MCF2L: variants seen among roughly 807,000 people sequenced by gnomAD.
The protein encoded by MCF2L is MCF.2 cell line derived transforming sequence like.
MCF2L carries 97 observed loss-of-function variants against 153.4 expected under a neutral mutation model. The ratio of observed to expected loss-of-function variants is 0.63; its 90% CI spans 0.54 to 0.75. The LOEUF (loss-of-function observed/expected upper bound fraction) is 0.75, where lower values mean the gene tolerates loss of function less well. Ranked by LOEUF, MCF2L falls within the 30% of genes least tolerant of loss-of-function variation. The pLI is 0.00. For synonymous variants in MCF2L, 659 were observed against 632.2 expected (o/e 1.04, Z -0.64); for missense variants, 1,347 against 1,495.2 (o/e 0.90, Z 1.64).
intron 27 of MCF2L, chr13:113,095,063 G>A (rs1169886597): frequency 1.5e-6 from 2 of 1,368,830 alleles, no homozygotes; most frequent in African/African-American, 1.5e-5. Context: ...ATAGAATGCT[G>A]TCACTGAGCC....
intron 1 of MCF2L, among the ~76,000 whole-genome samples, chr13:112,896,276 C>A (rs376094474): frequency 6.6e-6 from 1 of 152,218 alleles, no homozygotes; most frequent in African/African-American, 2.4e-5. Context: ...TCACCGCCCC[C>A]CCGAGGCCTC....
intron 1 of MCF2L, among the ~76,000 whole-genome samples, chr13:112,899,003 C>T (rs1278022585): frequency 6.6e-6 from 1 of 152,268 alleles, no homozygotes; most frequent in Non-Finnish European, 1.5e-5. Context: ...GGGTCTGCCC[C>T]CGCTTGGTGG....
At chr13:113,091,140 C>CA (rs1213060517) in intron 26 of MCF2L, 5 of 1,300,320 alleles carry the variant, frequency 3.8e-6, no homozygotes, top group Non-Finnish European at 5.1e-6. Flanking sequence ...CCAGTCCTGA[C>CA]AAAAAAGCCA....
chr13:112,966,761 G>A (rs1594396620), upstream of MCF2L, among the ~76,000 whole-genome samples: 1 of 152,200 alleles, frequency 6.6e-6, no homozygotes, highest in South Asian at 2.1e-4. The surrounding 1 kb of genome is among the most constrained non-coding windows in gnomAD (Gnocchi z 4.1). Flanking sequence ...CAGGCCAGAG[G>A]GTGTGGCCCT....
intron 2 of MCF2L, among the ~76,000 whole-genome samples, chr13:112,955,696 T>C (rs1372182928): frequency 6.6e-6 from 1 of 152,142 alleles, no homozygotes; most frequent in Non-Finnish European, 1.5e-5. Flanking sequence ...CTGGAGGCTG[T>C]TTCCATTCCC....
At chr13:112,966,604 G>T (rs915968162), upstream of MCF2L, among the ~76,000 whole-genome samples, 1 of 152,198 alleles carries the variant, frequency 6.6e-6, no homozygotes, top group Non-Finnish European at 1.5e-5. The surrounding 1 kb of genome is among the most constrained non-coding windows in gnomAD (Gnocchi z 4.1). Flanking sequence ...GAGACCAAGG[G>T]TCTCCACCCT....
rs991511300 is a variant in MCF2L at position 113,031,064 on chromosome 13, GAGACAGAGAC to G, written c.278+6314_278+6323del. Among the ~76,000 whole-genome samples, 6 of 141,170 alleles carry G rather than the reference GAGACAGAGAC, an allele frequency of 4.3e-5. No individual in the cohort carries two copies. Among genetic ancestry groups the G allele is most frequent in the Admixed American group, 2.8e-4 (4 of 14,274 alleles). 92.6% of individuals were successfully genotyped at this position (141,170 alleles called of 152,430 possible). On this transcript the variant is annotated intron_variant, in intron 3 of 29. Transcript: ENST00000535094. The surrounding 1 kb of genome is among the most constrained non-coding windows in gnomAD (Gnocchi z 5.5). ...ACAGAGACAGACAGATACAGACAGA[GAGACAGAGAC>G]AGACAGATACAGACAGAGACAGAGA...
At chr13:112,916,042 C>CA (rs68161667) in intron 2 of MCF2L, among the ~76,000 whole-genome samples, 48,662 of 130,482 alleles carry the variant, frequency 0.37, 8,171 homozygotes, top group South Asian at 0.47. Flanking sequence ...ACTAAAAATA[C>CA]AAAAAAAAAA....
chr13:112,901,303 G>C (rs1018386225), intron 1 of MCF2L, among the ~76,000 whole-genome samples: 3 of 152,144 alleles, frequency 2.0e-5, no homozygotes, highest in Non-Finnish European at 2.9e-5. Flanking sequence ...ACAGGTGCCG[G>C]CCACCACGCC....
intron 1 of MCF2L, among the ~76,000 whole-genome samples, chr13:113,011,378 G>A (rs907038164): frequency 9.2e-5 from 14 of 152,274 alleles, no homozygotes; most frequent in African/African-American, 3.1e-4. Context: ...GAGGCACTGC[G>A]GGCTGCCAGC....
At chr13:112,915,433 T>A (rs2081282575) in intron 2 of MCF2L, among the ~76,000 whole-genome samples, 1 of 79,462 alleles carries the variant, frequency 1.3e-5, no homozygotes, top group Non-Finnish European at 2.6e-5. Context: ...AAATCCATCC[T>A]CACTACACGC....
chr13:112,911,752 A>G (rs2081235967), intron 2 of MCF2L, among the ~76,000 whole-genome samples: 1 of 152,264 alleles, frequency 6.6e-6, no homozygotes, highest in Non-Finnish European at 1.5e-5. Flanking sequence ...TGCGCTGAGC[A>G]GCGATTTCTT....
intron 2 of MCF2L, among the ~76,000 whole-genome samples, chr13:112,915,141 G>T (rs1386251187): frequency 1.3e-5 from 2 of 152,020 alleles, no homozygotes; most frequent in Non-Finnish European, 2.9e-5. Flanking sequence ...CGGGCGTGGT[G>T]GCTCAAGCCT....
At chr13:112,996,742 G>A (rs1219843886) in intron 1 of MCF2L, among the ~76,000 whole-genome samples, 1 of 152,234 alleles carries the variant, frequency 6.6e-6, no homozygotes, top group Non-Finnish European at 1.5e-5. Flanking sequence ...CTCCTGGTGA[G>A]CCCTGTGGGT....
intron 1 of MCF2L, among the ~76,000 whole-genome samples, chr13:112,976,130 C>A (rs973346714): frequency 7.3e-6 from 1 of 136,314 alleles, no homozygotes; most frequent in Admixed American, 7.3e-5. Flanking sequence ...GGGCTCTCAG[C>A]GAATGTTCCG....
chr13:112,917,509 C>T (rs773557886), intron 2 of MCF2L: 43 of 299,042 alleles, frequency 1.4e-4, no homozygotes, highest in South Asian at 3.8e-4. Flanking sequence ...GAACAGCAAG[C>T]GGTGACCTCT....
At chr13:113,089,963 G>A (rs1023033407) in intron 26 of MCF2L, 49 of 1,596,674 alleles carry the variant, frequency 3.1e-5, no homozygotes, top group Middle Eastern at 1.7e-4. Context: ...AGCCTCGGCC[G>A]AGCGTGCAAC....
intron 26 of MCF2L, chr13:113,091,210 T>C: frequency 7.7e-7 from 1 of 1,302,944 alleles, no homozygotes; most frequent in Non-Finnish European, 1.0e-6. Flanking sequence ...AGTGGCACCC[T>C]CGGGCACGGC....
chr13:112,998,588 C>T (rs2083233396), intron 1 of MCF2L, among the ~76,000 whole-genome samples: 1 of 152,132 alleles, frequency 6.6e-6, no homozygotes, highest in African/African-American at 2.4e-5. Context: ...ATGGGATGGT[C>T]GTGTGTTCAA....
Sources: gnomAD v4.1 joint callset for allele counts (sites outside exome capture counted in the v4.1 genomes callset) on GRCh38, gnomAD v4.1.1 for gene constraint, Gnocchi (gnomAD v3.1) non-coding constraint, MANE v1.5 for transcripts, NCBI Gene and HGNC (gene_info 2026-07-23, HGNC 2026-07-21) for gene names.